MYL4: variants seen among roughly 807,000 people sequenced by gnomAD.
MYL4 encodes the protein atrial myosin light chain 1.
In MYL4, 16 loss-of-function variants were observed where a neutral mutation model predicts 21.6. The ratio of observed to expected loss-of-function variants is 0.74; its 90% CI spans 0.50 to 1.12. The LOEUF (loss-of-function observed/expected upper bound fraction) is 1.12, where lower values mean the gene tolerates loss of function less well. Among genes scored for constraint, MYL4 ranks in the 50% most tolerant of loss-of-function variants. MYL4 has a pLI of 0.00. For synonymous variants in MYL4, 82 were observed against 95.7 expected, an observed-to-expected ratio of 0.86 and a Z score of 0.83; for missense variants, 249 against 252.9, an observed-to-expected ratio of 0.98 and a Z score of 0.11.
intron 1 of MYL4, among the ~76,000 whole-genome samples, chr17:47,213,274 G>A (rs1041249063): frequency 2.0e-5 from 3 of 152,134 alleles, no homozygotes; most frequent in East Asian, 1.9e-4. Context: ...CTTAATAAGC[G>A]GTATTGAGAG....
At chr17:47,189,591 G>T in the MYL4 span, among the ~76,000 whole-genome samples, 1 of 152,254 alleles carries the variant, frequency 6.6e-6, no homozygotes, top group Non-Finnish European at 1.5e-5. Context: ...CAGCGCGGGC[G>T]GGTAGCGTTA....
At chr17:47,191,902 A>G in the MYL4 span, among the ~76,000 whole-genome samples, 1 of 152,242 alleles carries the variant, frequency 6.6e-6, no homozygotes, top group Non-Finnish European at 1.5e-5. Flanking sequence ...AGAGTTTTGT[A>G]AACCTAAATA....
intron 2 of MYL4, among the ~76,000 whole-genome samples, chr17:47,215,907 C>G (rs2064809960): frequency 6.6e-6 from 1 of 152,132 alleles, no homozygotes; most frequent in Non-Finnish European, 1.5e-5. Context: ...CCTTTCACCT[C>G]AGTCTCCTGA....
chr17:47,213,710 G>A, intron 1 of MYL4, 89 bp from the exon 2 acceptor site: 2 of 1,386,198 alleles, frequency 1.4e-6, no homozygotes, highest in Non-Finnish European at 2.0e-6. Flanking sequence ...TACTGCATTG[G>A]AAGCCACTTC....
At chr17:47,219,174 C>G (rs1036057324) in intron 2 of MYL4, among the ~76,000 whole-genome samples, 1 of 152,206 alleles carries the variant, frequency 6.6e-6, no homozygotes, top group African/African-American at 2.4e-5. Context: ...GCCTGGGGGC[C>G]GCCTTTCAGC....
chr17:47,216,472 T>C (rs1009696183), intron 2 of MYL4, among the ~76,000 whole-genome samples: 1 of 152,146 alleles, frequency 6.6e-6, no homozygotes. Flanking sequence ...CTTGGTTTGC[T>C]TAATAGTTGA....
At chr17:47,222,533 G>T in intron 5 of MYL4, 76 bp downstream of exon 5, 2 of 1,398,026 alleles carry the variant, frequency 1.4e-6, no homozygotes, top group East Asian at 2.3e-5. Flanking sequence ...GTGGGCCCAG[G>T]AGCTGGAGGG....
At chr17:47,211,908 T>A (rs1457735295) in intron 1 of MYL4, among the ~76,000 whole-genome samples, 1 of 151,986 alleles carries the variant, frequency 6.6e-6, no homozygotes, top group African/African-American at 2.4e-5. Context: ...GACCACGAGG[T>A]AACATACAAG....
At chr17:47,226,979 C>T (rs532620698), downstream of MYL4, among the ~76,000 whole-genome samples, 6 of 152,136 alleles carry the variant, frequency 3.9e-5, no homozygotes, top group Non-Finnish European at 5.9e-5. Context: ...CTCAGCCTCC[C>T]GAGTAGCTGA....
At position 47,216,364 on chromosome 17, in the gene MYL4, T is replaced by C. The variant is rs544074646; in HGVS notation, c.163+2538T>C. 7.3e-5 allele frequency among the ~76,000 whole-genome samples: 11 copies of C among 151,660 alleles called. 1 individual carries two copies. The South Asian group carries it at 2.1e-3, about 29-fold the overall frequency. On this transcript the variant is annotated intron_variant, in intron 2 of 6. Coordinates refer to ENST00000393450, the MANE Select transcript of MYL4 (RefSeq NM_002476.2). Reference sequence around the variant, plus strand: ...AACTTCAGTGTTTGATTTTTTTATGTGCATACCAGGCTTCCCAGCAGGCCA... The same window carrying C: ...AACTTCAGTGTTTGATTTTTTTATGCGCATACCAGGCTTCCCAGCAGGCCA...
intron 3 of MYL4, among the ~76,000 whole-genome samples, chr17:47,220,296 T>C (rs1471238736): frequency 1.3e-5 from 2 of 152,350 alleles, no homozygotes; most frequent in African/African-American, 4.8e-5. Context: ...TGGGAGCTCC[T>C]GTGGGGCATG....
chr17:47,190,994 A>G, the MYL4 span, among the ~76,000 whole-genome samples: 1 of 152,060 alleles, frequency 6.6e-6, no homozygotes, highest in African/African-American at 2.4e-5. Context: ...TGGGTCCTTC[A>G]TTTCTTCTCT....
At chr17:47,209,163 G>C (rs1021597102), upstream of MYL4, 3 of 600,834 alleles carry the variant, frequency 5.0e-6, no homozygotes, top group South Asian at 1.9e-5. Flanking sequence ...GAGGTGAAGA[G>C]AGAGCTGTGG....
chr17:47,226,744 C>A (rs2064887100), downstream of MYL4, among the ~76,000 whole-genome samples: 1 of 152,254 alleles, frequency 6.6e-6, no homozygotes, highest in Admixed American at 6.5e-5. Context: ...GACCCAAGTT[C>A]TTTTATCGTA....
At chr17:47,227,477 TAC>T (rs1323083532), downstream of MYL4, among the ~76,000 whole-genome samples, 1 of 152,124 alleles carries the variant, frequency 6.6e-6, no homozygotes, top group Non-Finnish European at 1.5e-5. Context: ...TCCATTTATA[TAC>T]AGACACTTTT....
At chr17:47,227,141 C>T (rs1261289851), downstream of MYL4, among the ~76,000 whole-genome samples, 4 of 152,216 alleles carry the variant, frequency 2.6e-5, no homozygotes, top group African/African-American at 9.6e-5. Flanking sequence ...CAGGTGTGAG[C>T]CACCGCGCCC....
At chr17:47,198,909 C>T (rs1196325767), upstream of MYL4, among the ~76,000 whole-genome samples, 2 of 151,868 alleles carry the variant, frequency 1.3e-5, no homozygotes, top group African/African-American at 4.8e-5. Context: ...TCTCTTGAGC[C>T]TAGAAGTTCG....
At chr17:47,208,032 A>G (rs1280046867), upstream of MYL4, among the ~76,000 whole-genome samples, 1 of 152,218 alleles carries the variant, frequency 6.6e-6, no homozygotes, top group Non-Finnish European at 1.5e-5. Flanking sequence ...ATCTAATCCC[A>G]GCTTATAGCT....
intron 1 of MYL4, among the ~76,000 whole-genome samples, chr17:47,210,038 C>T (rs992998133): frequency 1.3e-5 from 2 of 152,166 alleles, no homozygotes; most frequent in Non-Finnish European, 2.9e-5. Context: ...GGAAAGGCTT[C>T]ACTCACAAAC....
Sources: gnomAD v4.1 joint callset for allele counts (sites outside exome capture counted in the v4.1 genomes callset) on GRCh38, gnomAD v4.1.1 for gene constraint, MANE v1.5 for transcripts, NCBI Gene and HGNC (gene_info 2026-07-23, HGNC 2026-07-21) for gene names.